Variants in SLC4A4 observed in about 807,000 individuals in gnomAD.
The protein encoded by SLC4A4 is electrogenic sodium bicarbonate cotransporter 1.
A neutral mutation model predicts 111.5 loss-of-function variants in SLC4A4; 27 were observed. The ratio of observed to expected loss-of-function variants is 0.24; its 90% CI spans 0.18 to 0.33. The LOEUF is 0.33. SLC4A4 is among the 10% of genes least tolerant of loss of function. SLC4A4 has a pLI of 1.00. For missense variants in SLC4A4, 909 were observed against 1,315.5 expected, an observed-to-expected ratio of 0.69 and a Z score of 4.78; for synonymous variants, 443 against 463.4, an observed-to-expected ratio of 0.96 and a Z score of 0.57.
chr4:71,333,183 G>A (rs1728157506), intron 3 of SLC4A4, among the ~76,000 whole-genome samples: 1 of 152,204 alleles, frequency 6.6e-6, no homozygotes, highest in African/African-American at 2.4e-5. Flanking sequence ...CATTCAAAGG[G>A]AATTGATTGT....
intron 1 of SLC4A4, among the ~76,000 whole-genome samples, chr4:71,222,784 T>C (rs1378773288): frequency 6.6e-6 from 1 of 152,226 alleles, no homozygotes; most frequent in Non-Finnish European, 1.5e-5. Context: ...GTTGTTTTTC[T>C]GCTTAGTAGT....
chr4:71,079,791 T>C (rs1232321162), intron 1 of SLC4A4, among the ~76,000 whole-genome samples: 5 of 137,814 alleles, frequency 3.6e-5, no homozygotes, highest in African/African-American at 1.0e-4. Flanking sequence ...AAAAAAAAGA[T>C]GTAAAGAAAA....
intron 2 of SLC4A4, among the ~76,000 whole-genome samples, chr4:71,130,527 A>T (rs567237999): frequency 6.6e-6 from 1 of 152,290 alleles, no homozygotes; most frequent in South Asian, 2.1e-4. Flanking sequence ...CATGAGCCAC[A>T]GTGCCTGGCC....
chr4:71,439,529 C>G, intron 7 of SLC4A4, among the ~76,000 whole-genome samples: 1 of 149,304 alleles, frequency 6.7e-6, no homozygotes, highest in Non-Finnish European at 1.5e-5. Flanking sequence ...TTCTTAGCTC[C>G]CATCTTACCT....
chr4:71,439,457 A>G (rs57073877), intron 7 of SLC4A4, among the ~76,000 whole-genome samples: 9 of 133,670 alleles, frequency 6.7e-5, no homozygotes, highest in South Asian at 2.6e-4. Context: ...AAAAAAAAAA[A>G]AAAAAAAAAA....
At chr4:71,249,181 T>G (rs921436218) in intron 2 of SLC4A4, among the ~76,000 whole-genome samples, 1 of 152,116 alleles carries the variant, frequency 6.6e-6, no homozygotes, top group African/African-American at 2.4e-5. Flanking sequence ...GAAAAGTATT[T>G]CCCTGTTTTT....
chr4:71,128,514 G>A (rs1472600234), intron 2 of SLC4A4, among the ~76,000 whole-genome samples: 1 of 151,928 alleles, frequency 6.6e-6, no homozygotes, highest in Non-Finnish European at 1.5e-5. Context: ...TCCTAAGATG[G>A]GTCTCACTCT....
At chr4:71,349,607 T>A (rs1397916444) in intron 4 of SLC4A4, among the ~76,000 whole-genome samples, 1 of 152,174 alleles carries the variant, frequency 6.6e-6, no homozygotes. Context: ...TATTAAAAAA[T>A]TTAGTTAAAT....
At chr4:71,312,793 A>G (rs997891951) in intron 3 of SLC4A4, among the ~76,000 whole-genome samples, 1 of 152,238 alleles carries the variant, frequency 6.6e-6, no homozygotes, top group African/African-American at 2.4e-5. Context: ...AGAGCTATTT[A>G]TGATAAACCC....
chr4:71,374,657 G>A (rs1476859446), intron 6 of SLC4A4, among the ~76,000 whole-genome samples: 1 of 152,066 alleles, frequency 6.6e-6, no homozygotes, highest in East Asian at 1.9e-4. Flanking sequence ...ACTATAAATA[G>A]AGAAAATCAA....
chr4:71,098,411 C>A (rs1742621458), intron 2 of SLC4A4, among the ~76,000 whole-genome samples: 1 of 152,134 alleles, frequency 6.6e-6, no homozygotes, highest in Admixed American at 6.6e-5. Flanking sequence ...CAGTACCATG[C>A]TGTTTTGGTT....
At chr4:71,440,571 A>G in intron 7 of SLC4A4, 45 bp from the exon 8 acceptor site, 1 of 1,605,742 alleles carries the variant, frequency 6.2e-7, no homozygotes, top group Admixed American at 1.7e-5. Flanking sequence ...ATTCCACAGG[A>G]ACCTTGTGGA....
intron 3 of SLC4A4, among the ~76,000 whole-genome samples, chr4:71,264,356 A>G (rs1398514051): frequency 1.3e-5 from 2 of 152,194 alleles, no homozygotes; most frequent in Non-Finnish European, 2.9e-5. Flanking sequence ...TTGTATCAAC[A>G]TTATCTTTTG....
chr4:71,428,283 C>T (rs952937252), intron 7 of SLC4A4, among the ~76,000 whole-genome samples: 2 of 152,104 alleles, frequency 1.3e-5, no homozygotes, highest in African/African-American at 4.8e-5. Flanking sequence ...TAAGATTCTA[C>T]AGTATGTAAT....
intron 4 of SLC4A4, among the ~76,000 whole-genome samples, chr4:71,339,780 A>G (rs1044397749): frequency 6.6e-6 from 1 of 152,210 alleles, no homozygotes; most frequent in African/African-American, 2.4e-5. Flanking sequence ...AGCTCAATTT[A>G]TATACTATTT....
At chr4:71,241,473 C>T (rs137983309) in intron 2 of SLC4A4, among the ~76,000 whole-genome samples, 1,559 of 152,026 alleles carry the variant, frequency 0.01, 32 homozygotes, top group African/African-American at 0.035. Context: ...ATCATCTACT[C>T]GTGTACTGGA....
Position 71,570,796 on chromosome 4 carries a change from T to C in SLC4A4, c.*3045T>C, listed in dbSNP as rs1737889128. 3 of 151,980 alleles carry C rather than the reference T, an allele frequency of 2.0e-5. No individual in the cohort carries two copies. Among genetic ancestry groups the C allele is most frequent in the African/African-American group, 7.2e-5 (3 of 41,512 alleles). 9.4% of individuals were successfully genotyped at this position (151,980 alleles called of 1,614,324 possible). A position where few individuals can be genotyped will look rare whatever the true frequency, so the allele number is the denominator to read the frequency against. Reference sequence around the variant, plus strand: ...TGGGAGAAAAGTATCTTGGACGCACTGTTTTCCTTGATAAAAGTCATCTTC... The same window carrying C: ...TGGGAGAAAAGTATCTTGGACGCACCGTTTTCCTTGATAAAAGTCATCTTC... On this transcript the variant is annotated 3_prime_UTR_variant, in exon 26 of 26. Coordinates refer to ENST00000264485, the MANE Select transcript of SLC4A4 (RefSeq NM_001098484.3).
At chr4:71,114,210 C>A (rs573697628) in intron 2 of SLC4A4, among the ~76,000 whole-genome samples, 8 of 152,186 alleles carry the variant, frequency 5.3e-5, no homozygotes, top group Non-Finnish European at 1.2e-4. Context: ...GGCGCCACTG[C>A]ACTCCAGCCT....
upstream of SLC4A4, among the ~76,000 whole-genome samples, chr4:71,183,188 C>T (rs1383754428): frequency 2.6e-5 from 4 of 152,150 alleles, no homozygotes; most frequent in Non-Finnish European, 5.9e-5. Flanking sequence ...AACCTGCCTT[C>T]CTTGACATTA....
Sources: gnomAD v4.1 joint callset for allele counts (sites outside exome capture counted in the v4.1 genomes callset) on GRCh38, gnomAD v4.1.1 for gene constraint, MANE v1.5 for transcripts, NCBI Gene and HGNC (gene_info 2026-07-23, HGNC 2026-07-21) for gene names.